Variants in DTWD1 observed in about 807,000 individuals in gnomAD.
DTWD1 encodes DTW motif tRNA-uridine aminocarboxypropyltransferase 1.
DTWD1 carries 27 observed loss-of-function variants against 30.2 expected under a neutral mutation model. The observed-to-expected ratio is 0.90, with a 90% CI of 0.66 to 1.23. DTWD1 has a LOEUF of 1.23. Ranked by LOEUF, DTWD1 falls within the 50% of genes most tolerant of loss-of-function variation. DTWD1 has a pLI of 0.00. For missense variants in DTWD1, 342 were observed against 348.8 expected, an observed-to-expected ratio of 0.98 and a Z score of 0.15; for synonymous variants, 99 against 113.1, an observed-to-expected ratio of 0.88 and a Z score of 0.79.
chr15:49,627,786 G>A (rs2078863296), intron 2 of DTWD1, among the ~76,000 whole-genome samples: 2 of 152,150 alleles, frequency 1.3e-5, no homozygotes, highest in South Asian at 4.1e-4. Flanking sequence ...TTGCAGGACT[G>A]GAAGTTTTTC....
chr15:49,654,020 G>A lies in DTWD1; in HGVS notation c.*10442G>A, dbSNP rs993721849. 1 of 152,048 alleles carries A rather than the reference G, an allele frequency of 6.6e-6. No homozygotes were observed. Among genetic ancestry groups the A allele is most frequent in the Non-Finnish European group, 1.5e-5 (1 of 68,008 alleles). The allele number at this position is 152,048 out of a possible 1,614,324, so 9.4% of individuals were successfully genotyped here. ...ATAGCCTCTTCCTTTGGTGTAGGGG[G>A]ACCCTGAAAACAATTTAATTTTATG... is the stretch of plus-strand genomic sequence containing the variant. On this transcript the variant is annotated 3_prime_UTR_variant, in exon 5 of 5. Transcript: ENST00000403028.
At chr15:49,637,978 C>G (rs2079022563) in intron 4 of DTWD1, among the ~76,000 whole-genome samples, 2 of 152,166 alleles carry the variant, frequency 1.3e-5, no homozygotes, top group Non-Finnish European at 2.9e-5. Context: ...TACTACGGAG[C>G]ATAAGATCTT....
At chr15:49,639,670 T>C (rs1479951428) in intron 4 of DTWD1, among the ~76,000 whole-genome samples, 1 of 152,222 alleles carries the variant, frequency 6.6e-6, no homozygotes, top group Non-Finnish European at 1.5e-5. Flanking sequence ...AAATATTTAA[T>C]GTTGTCTAGA....
rs2079113793 is a variant in DTWD1, at chr15:49,645,745, TGACCCACGTACTTCATAAGA to T, written c.*2169_*2188del. The T allele has an allele frequency of 6.6e-6, 1 of 152,108 alleles. No individual in the cohort carries two copies. The highest frequency in any genetic ancestry group is 2.4e-5 in the African/African-American group (1 of 41,440). The allele number at this position is 152,108 out of a possible 1,614,324, so 9.4% of individuals were successfully genotyped here. On this transcript the variant is annotated 3_prime_UTR_variant, in exon 5 of 5. Transcript: ENST00000403028. ...CATCTCTCAGCTGGCATAAGAAAGA[TGACCCACGTACTTCATAAGA>T]GCCTAATTTACAGCTAAGGCCAGAT...
chr15:49,625,634 G>C (rs1026119034), intron 2 of DTWD1: 7 of 547,844 alleles, frequency 1.3e-5, no homozygotes, highest in Non-Finnish European at 2.2e-5. Context: ...TGCTGCGCCT[G>C]ATCGCAAGAG....
intron 4 of DTWD1, among the ~76,000 whole-genome samples, chr15:49,638,377 A>G (rs2079027460): frequency 6.6e-6 from 1 of 152,176 alleles, no homozygotes; most frequent in Non-Finnish European, 1.5e-5. Flanking sequence ...AAAAATTTTT[A>G]AAGGGGCTTC....
chr15:49,647,027 A>C lies in DTWD1; in HGVS notation c.*3449A>C, dbSNP rs978454558. 2.8e-4 allele frequency: 42 copies of C among 152,202 alleles called. No individual in the cohort carries two copies. The highest frequency in any genetic ancestry group is 1.0e-3 in the African/African-American group (42 of 41,454). The allele number at this position is 152,202 out of a possible 1,614,324, so 9.4% of individuals were successfully genotyped here. On this transcript the variant is annotated 3_prime_UTR_variant, in exon 5 of 5. Transcript: ENST00000403028. ...ACCCCAATGTGAGAATTACTGGGGT[A>C]ATAAAGGTCTGGAAGGCTGCAGCAG...
chr15:49,636,211 G>A (rs1024122771), intron 4 of DTWD1, among the ~76,000 whole-genome samples: 3 of 151,250 alleles, frequency 2.0e-5, no homozygotes, highest in Admixed American at 6.6e-5. Flanking sequence ...GTAGTATTTC[G>A]TTGTATGGAT....
intron 1 of DTWD1, 72 bp from the exon 2 acceptor site, chr15:49,625,041 A>G (rs1241306870): frequency 1.0e-6 from 1 of 954,054 alleles, no homozygotes; most frequent in African/African-American, 1.6e-5. Flanking sequence ...TAAATTGAGT[A>G]ATTTTCTTTG....
chr15:49,638,571 A>G (rs2079029658), intron 4 of DTWD1, among the ~76,000 whole-genome samples: 1 of 152,212 alleles, frequency 6.6e-6, no homozygotes, highest in African/African-American at 2.4e-5. Context: ...TACTTCCATA[A>G]GAAACAATCC....
chr15:49,622,001 G>A (rs2078738274), intron 1 of DTWD1, among the ~76,000 whole-genome samples: 1 of 152,086 alleles, frequency 6.6e-6, no homozygotes, highest in African/African-American at 2.4e-5. Context: ...GGAAGAGGTA[G>A]AAGCTTTTTG....
At chr15:49,631,053 A>G (rs1163898228) in intron 2 of DTWD1, 3 of 434,438 alleles carry the variant, frequency 6.9e-6, no homozygotes, top group Non-Finnish European at 1.4e-5. Context: ...CTGATTTTAC[A>G]TTATGGTGAG....
At chr15:49,635,843 G>A (rs1477053225) in intron 4 of DTWD1, among the ~76,000 whole-genome samples, 1 of 152,066 alleles carries the variant, frequency 6.6e-6, no homozygotes, top group Non-Finnish European at 1.5e-5. Flanking sequence ...TTAACATGTA[G>A]TAAACTACAT....
Position 49,643,466 on chromosome 15 carries a change from A to G in DTWD1, c.803A>G (p.Glu268Gly). ...LVDYHTDILK[E>G]KYRGQYDNLL... ...GACTACCATACTGATATATTAAAAGAGAAATACAGAGGGCAATATGACAAT... is the reference window on the plus strand; with the variant it reads ...GACTACCATACTGATATATTAAAAGGGAAATACAGAGGGCAATATGACAAT... Residue 268 changes from glutamate (E) to glycine (G), a missense_variant, in exon 5 of 5, where the codon GAG (glutamate) becomes GGG (glycine). Physicochemically the swap from Glu to Gly is moderately conservative, Grantham distance 98. Transcript: ENST00000403028. The G allele has an allele frequency of 6.2e-7, 1 of 1,609,936 alleles. No individual in the cohort carries two copies. Among genetic ancestry groups the G allele is most frequent in the South Asian group, 1.1e-5 (1 of 90,282 alleles).
At position 49,648,420 on chromosome 15, in the gene DTWD1, G is replaced by A. The variant is rs2079133598; in HGVS notation, c.*4842G>A. 6.6e-6 allele frequency: 1 copy of A among 152,090 alleles called. No individual in the cohort carries two copies. Among genetic ancestry groups the A allele is most frequent in the Non-Finnish European group, 1.5e-5 (1 of 68,062 alleles). 9.4% of individuals were successfully genotyped at this position (152,090 alleles called of 1,614,324 possible). A position where few individuals can be genotyped will look rare whatever the true frequency, so the allele number is the denominator to read the frequency against. ...AAGTTCAAGCAATTATCATGCCTTA[G>A]CCCCCCGAGTAGCTGGGATCACAGG... On this transcript the variant is annotated 3_prime_UTR_variant, in exon 5 of 5. Coordinates refer to ENST00000403028, the MANE Select transcript of DTWD1 (RefSeq NM_001144955.2).
rs2079138027 is a variant in DTWD1, at chr15:49,649,148, A to G, written c.*5570A>G. 2 of 152,196 alleles carry G rather than the reference A, an allele frequency of 1.3e-5. No individual in the cohort carries two copies. Among genetic ancestry groups the G allele is most frequent in the African/African-American group, 4.8e-5 (2 of 41,450 alleles). The allele number at this position is 152,196 out of a possible 1,614,324, so 9.4% of individuals were successfully genotyped here. On this transcript the variant is annotated 3_prime_UTR_variant, in exon 5 of 5. Transcript: ENST00000403028. ...GATAGAAAATACTAAAAGATTTCAA[A>G]CAGAAGAAATAGGTCGTATATCGAC... is the stretch of plus-strand genomic sequence containing the variant.
rs1242546669 is a variant in DTWD1 at position 49,651,675 on chromosome 15, T to C, written c.*8097T>C. 1 of 152,196 alleles carries C rather than the reference T, an allele frequency of 6.6e-6. No individual in the cohort carries two copies. Among genetic ancestry groups the C allele is most frequent in the Non-Finnish European group, 1.5e-5 (1 of 68,058 alleles). The allele number at this position is 152,196 out of a possible 1,614,324, so 9.4% of individuals were successfully genotyped here. A position where few individuals can be genotyped will look rare whatever the true frequency, so the allele number is the denominator to read the frequency against. On this transcript the variant is annotated 3_prime_UTR_variant, in exon 5 of 5. Coordinates refer to ENST00000403028, the MANE Select transcript of DTWD1 (RefSeq NM_001144955.2). ...GACCAGCATTTCCTTGTCATAGAAA[T>C]AGACACAATTTCCAGATAGGAGTTT...
chr15:49,634,011 C>T (rs571791307), intron 3 of DTWD1, among the ~76,000 whole-genome samples: 2 of 152,050 alleles, frequency 1.3e-5, no homozygotes, highest in African/African-American at 2.4e-5. Context: ...ATAATGAGAT[C>T]GTTGAACCAA....
chr15:49,639,606 T>C (rs890129998), intron 4 of DTWD1, among the ~76,000 whole-genome samples: 1 of 152,178 alleles, frequency 6.6e-6, no homozygotes, highest in Non-Finnish European at 1.5e-5. Context: ...ATTATAAAGT[T>C]ACTGATTGTT....
Sources: gnomAD v4.1 joint callset for allele counts (sites outside exome capture counted in the v4.1 genomes callset) on GRCh38, gnomAD v4.1.1 for gene constraint, MANE v1.5 for transcripts, NCBI Gene and HGNC (gene_info 2026-07-23, HGNC 2026-07-21) for gene names.